ARHGAP15: variants seen among roughly 807,000 people sequenced by gnomAD.
The protein encoded by ARHGAP15 is rho GTPase-activating protein 15.
Under a neutral mutation model 63.7 loss-of-function variants are expected in ARHGAP15, and 51 were observed. That is an observed-to-expected ratio of 0.80 (90% CI 0.64 to 1.01). The LOEUF is 1.01. Ranked by LOEUF, ARHGAP15 falls within the 50% of genes least tolerant of loss-of-function variation. The pLI is 0.00. For missense variants in ARHGAP15, 560 were observed against 564.6 expected (o/e 0.99, Z 0.08); for synonymous variants, 191 against 193.8 (o/e 0.99, Z 0.12).
At chr2:143,621,298 G>T (rs947030306) in intron 11 of ARHGAP15, among the ~76,000 whole-genome samples, 2 of 152,156 alleles carry the variant, frequency 1.3e-5, no homozygotes, top group Non-Finnish European at 2.9e-5. Flanking sequence ...CATCATCACT[G>T]TGTAGAATCT....
intron 12 of ARHGAP15, among the ~76,000 whole-genome samples, chr2:143,652,813 G>A (rs1681240685): frequency 6.6e-6 from 1 of 152,012 alleles, no homozygotes; most frequent in Non-Finnish European, 1.5e-5. Flanking sequence ...AGTTTTTTGG[G>A]AGAGCATCAG....
intron 6 of ARHGAP15, among the ~76,000 whole-genome samples, chr2:143,258,479 A>T (rs1055214858): frequency 2.6e-5 from 4 of 152,152 alleles, no homozygotes; most frequent in African/African-American, 9.6e-5. Flanking sequence ...CACTTATGGC[A>T]TCTATGCATA....
chr2:143,627,644 T>G (rs1698888215), intron 12 of ARHGAP15, among the ~76,000 whole-genome samples: 1 of 152,184 alleles, frequency 6.6e-6, no homozygotes. Flanking sequence ...TCGCGAGTTT[T>G]CGGCTTTATA....
intron 3 of ARHGAP15, among the ~76,000 whole-genome samples, chr2:143,205,575 T>C (rs548688354): frequency 6.6e-6 from 1 of 152,228 alleles, no homozygotes; most frequent in Admixed American, 6.5e-5. Flanking sequence ...TCCAAGCTTG[T>C]GATACACAGG....
At chr2:143,734,610 TAATA>T (rs1340434812) in intron 13 of ARHGAP15, among the ~76,000 whole-genome samples, 1 of 152,240 alleles carries the variant, frequency 6.6e-6, no homozygotes, top group Non-Finnish European at 1.5e-5. Context: ...TGTACTTCAT[TAATA>T]AACATCCTGT....
chr2:143,133,726 G>A (rs1688999373), intron 1 of ARHGAP15, among the ~76,000 whole-genome samples: 1 of 152,018 alleles, frequency 6.6e-6, no homozygotes, highest in Admixed American at 6.6e-5. Context: ...AATGTTTTTA[G>A]ATAAGCTATT....
chr2:143,696,495 C>G (rs934605081), intron 12 of ARHGAP15, among the ~76,000 whole-genome samples: 4 of 151,988 alleles, frequency 2.6e-5, no homozygotes, highest in African/African-American at 9.7e-5. Context: ...CTTAACATCC[C>G]TCCTAAGAGC....
At chr2:143,276,564 A>G (rs1409368005) in intron 6 of ARHGAP15, among the ~76,000 whole-genome samples, 2 of 152,206 alleles carry the variant, frequency 1.3e-5, no homozygotes, top group Admixed American at 6.5e-5. Context: ...ATTTTTATGC[A>G]TATTTTCATA....
chr2:143,494,150 T>C (rs908151183), intron 9 of ARHGAP15, among the ~76,000 whole-genome samples: 14 of 152,198 alleles, frequency 9.2e-5, no homozygotes, highest in Admixed American at 3.3e-4. Flanking sequence ...TGTTATTACA[T>C]TGATACATTC....
intron 6 of ARHGAP15, among the ~76,000 whole-genome samples, chr2:143,348,816 T>A (rs1247732029): frequency 6.6e-6 from 1 of 152,182 alleles, no homozygotes; most frequent in Non-Finnish European, 1.5e-5. Flanking sequence ...AATACTGATC[T>A]TCTAGAAAAT....
At chr2:143,638,304 T>C (rs1216315849) in intron 12 of ARHGAP15, among the ~76,000 whole-genome samples, 1 of 147,704 alleles carries the variant, frequency 6.8e-6, no homozygotes, top group Admixed American at 6.8e-5. Context: ...ATATACACCA[T>C]GGAATACTAT....
chr2:143,292,995 TA>T (rs1185690838), intron 6 of ARHGAP15, among the ~76,000 whole-genome samples: 3 of 152,086 alleles, frequency 2.0e-5, no homozygotes, highest in South Asian at 2.1e-4. Context: ...CTTTAGCACT[TA>T]GATTTCACTT....
At chr2:143,699,274 T>A (rs1373469573) in intron 12 of ARHGAP15, among the ~76,000 whole-genome samples, 1 of 152,230 alleles carries the variant, frequency 6.6e-6, no homozygotes, top group Non-Finnish European at 1.5e-5. Context: ...ACTGCTTTAC[T>A]ATAACCTTTT....
intron 3 of ARHGAP15, among the ~76,000 whole-genome samples, chr2:143,209,194 G>C (rs372024450): frequency 6.6e-6 from 1 of 152,056 alleles, no homozygotes; most frequent in African/African-American, 2.4e-5. Flanking sequence ...AACTCTAAAA[G>C]CTCTTTAGTC....
rs1164299280 is a variant in ARHGAP15, at chr2:143,189,690, G to A, written c.166-12444G>A. ...TTGGCCAGGCTGGTATCGAACTCCT[G>A]ACCTCAAGTGATCCACCCACCTCAG... On this transcript the variant is annotated intron_variant, in intron 2 of 13. Coordinates refer to ENST00000295095, the MANE Select transcript of ARHGAP15 (RefSeq NM_018460.4). 4.0e-5 allele frequency among the ~76,000 whole-genome samples: 6 copies of A among 151,840 alleles called. No individual in the cohort carries two copies. In the East Asian group the frequency reaches 1.2e-3, roughly 29 times the overall value.
intron 13 of ARHGAP15, among the ~76,000 whole-genome samples, chr2:143,738,420 G>C (rs1011672645): frequency 6.6e-6 from 1 of 152,150 alleles, no homozygotes. Flanking sequence ...TTTTTCCCAA[G>C]TAATCACTGG....
chr2:143,519,554 T>C, intron 10 of ARHGAP15, 190 bp downstream of exon 10: 1 of 428,756 alleles, frequency 2.3e-6, no homozygotes, highest in Non-Finnish European at 4.3e-6. Context: ...TTAGTAATTC[T>C]CACTAATGTT....
At chr2:143,184,434 T>A (rs990675494) in intron 2 of ARHGAP15, among the ~76,000 whole-genome samples, 2 of 152,180 alleles carry the variant, frequency 1.3e-5, no homozygotes, top group Non-Finnish European at 2.9e-5. Flanking sequence ...TTGTTGGATG[T>A]TTGGGGATGG....
At chr2:143,497,072 C>T (rs1469523806) in intron 9 of ARHGAP15, among the ~76,000 whole-genome samples, 1 of 152,100 alleles carries the variant, frequency 6.6e-6, no homozygotes, top group Non-Finnish European at 1.5e-5. Flanking sequence ...TCATACACAC[C>T]AAAAAGGAAG....
Sources: allele counts gnomAD v4.1 joint callset (sites outside exome capture counted in the v4.1 genomes callset), GRCh38; gene constraint gnomAD v4.1.1; transcripts MANE v1.5; gene names NCBI Gene and HGNC (gene_info 2026-07-23, HGNC 2026-07-21).